Variants in MAGI1 observed in about 807,000 individuals in gnomAD.
The protein encoded by MAGI1 is membrane-associated guanylate kinase, WW and PDZ domain-containing protein 1.
In MAGI1, 58 loss-of-function variants were observed where a neutral mutation model predicts 139.9. The ratio of observed to expected loss-of-function variants is 0.41; its 90% CI spans 0.34 to 0.52. The LOEUF (loss-of-function observed/expected upper bound fraction) is 0.52. MAGI1 is among the 20% of genes least tolerant of loss of function. The pLI is 0.12. For synonymous variants in MAGI1, 812 were observed against 737.9 expected, an observed-to-expected ratio of 1.10 and a Z score of -1.63; for missense variants, 1,874 against 1,901.6, an observed-to-expected ratio of 0.99 and a Z score of 0.27.
chr3:66,011,218 GCA>G (rs2067303773), intron 1 of MAGI1, among the ~76,000 whole-genome samples: 1 of 152,180 alleles, frequency 6.6e-6, no homozygotes, highest in Non-Finnish European at 1.5e-5. Context: ...TCCCCACATG[GCA>G]GCACACATAA....
intron 1 of MAGI1, among the ~76,000 whole-genome samples, chr3:65,841,521 G>A (rs796175096): frequency 2.5e-4 from 38 of 151,438 alleles, no homozygotes; most frequent in Admixed American, 5.3e-4. Flanking sequence ...TCCGCCTCCC[G>A]GGTTCAAGCC....
intron 6 of MAGI1, among the ~76,000 whole-genome samples, chr3:65,451,225 T>C (rs973377891): frequency 6.6e-6 from 1 of 152,260 alleles, no homozygotes; most frequent in African/African-American, 2.4e-5. Context: ...GTAAAAGCTA[T>C]TGCAGTATTC....
intron 1 of MAGI1, among the ~76,000 whole-genome samples, chr3:66,033,274 T>C (rs1699171100): frequency 6.6e-6 from 1 of 152,146 alleles, no homozygotes; most frequent in Admixed American, 6.5e-5. Context: ...TCCACCCACC[T>C]TGGCCTCCCA....
intron 1 of MAGI1, among the ~76,000 whole-genome samples, chr3:65,814,523 C>A (rs1377713309): frequency 2.0e-5 from 3 of 152,156 alleles, no homozygotes; most frequent in Non-Finnish European, 4.4e-5. Context: ...AAAATGATTT[C>A]TTTCGCCCAG....
At chr3:65,728,814 T>A (rs1341104536) in intron 1 of MAGI1, among the ~76,000 whole-genome samples, 1 of 152,198 alleles carries the variant, frequency 6.6e-6, no homozygotes, top group Non-Finnish European at 1.5e-5. Flanking sequence ...CTTTTTTAAC[T>A]GCATAAGCAC....
Position 66,038,542 on chromosome 3 carries a change from T to TGCATTCCGGTGCCTCTGGGTCC in MAGI1, c.-256_-235dup. 1 of 511,152 alleles carries TGCATTCCGGTGCCTCTGGGTCC rather than the reference T, an allele frequency of 2.0e-6. No homozygotes were observed. Among genetic ancestry groups the TGCATTCCGGTGCCTCTGGGTCC allele is most frequent in the Non-Finnish European group, 3.3e-6 (1 of 306,642 alleles). The allele number at this position is 511,152 out of a possible 1,614,324, so 31.7% of individuals were successfully genotyped here. On this transcript the variant is annotated 5_prime_UTR_variant, in exon 1 of 23. In the 5' UTR this introduces an upstream ATG that the reference lacks. Coordinates refer to ENST00000402939, the MANE Select transcript of MAGI1 (RefSeq NM_001033057.2). ...CGCACAGGCGCCCGCGAGCTTTGTT[T>TGCATTCCGGTGCCTCTGGGTCC]GCATTCCGGTGCCTCTGGGTCCACG...
At chr3:65,662,648 T>A (rs543851640) in intron 1 of MAGI1, among the ~76,000 whole-genome samples, 1 of 152,372 alleles carries the variant, frequency 6.6e-6, no homozygotes, top group South Asian at 2.1e-4. Context: ...ATATAAGTAC[T>A]GATTATTATA....
rs1488523000 is a variant in MAGI1 at position 65,716,489 on chromosome 3, CA to C, written c.314-94402del. Among the ~76,000 whole-genome samples the C allele has an allele frequency of 2.0e-5, 3 of 152,332 alleles. 1 individual carries two copies. In the East Asian group the frequency reaches 5.8e-4, roughly 29 times the overall value. On this transcript the variant is annotated intron_variant, in intron 1 of 22. Coordinates refer to ENST00000402939, the MANE Select transcript of MAGI1 (RefSeq NM_001033057.2). ...GGGAAGAGCAGCAATTAGGCCGACA[CA>C]AAGGCAGACTATCTTATTTCACAGA...
chr3:65,788,129 G>A (rs1370254297), intron 1 of MAGI1, among the ~76,000 whole-genome samples: 1 of 152,146 alleles, frequency 6.6e-6, no homozygotes, highest in Non-Finnish European at 1.5e-5. Flanking sequence ...CTGTGCCCAA[G>A]TAAACTCACA....
chr3:65,752,169 A>T (rs748541257), intron 1 of MAGI1, among the ~76,000 whole-genome samples: 7 of 152,140 alleles, frequency 4.6e-5, no homozygotes, highest in Non-Finnish European at 7.4e-5. Context: ...GGCTGGTTGC[A>T]AACTCCTGCA....
chr3:65,673,846 A>G (rs991943107), intron 1 of MAGI1, among the ~76,000 whole-genome samples: 1 of 152,224 alleles, frequency 6.6e-6, no homozygotes, highest in Non-Finnish European at 1.5e-5. Context: ...CTATAGTCCT[A>G]AAAGCTTATC....
intron 1 of MAGI1, among the ~76,000 whole-genome samples, chr3:65,673,561 C>A (rs2086995168): frequency 1.3e-5 from 2 of 152,204 alleles, no homozygotes; most frequent in African/African-American, 2.4e-5. Flanking sequence ...AAAGTAGGAA[C>A]TCAGCTCTGC....
chr3:65,579,803 C>T (rs1373982823), intron 2 of MAGI1, among the ~76,000 whole-genome samples: 8 of 149,988 alleles, frequency 5.3e-5, no homozygotes, highest in African/African-American at 9.8e-5. Flanking sequence ...GCGAAGATCA[C>T]GCCACTGCAC....
chr3:65,437,241 G>C lies in MAGI1; in HGVS notation c.1277C>G (p.Thr426Arg). ...QQQQQQTEEWTEDHSALVPPV... is the reference protein window; with the variant it reads ...QQQQQQTEEWREDHSALVPPV... ...AGGCACAAGGGCTGAGTGATCTTCT[G>C]TCCATTCTATGAAAAAGAAAAGAAA... The change falls in exon 10 of 23, where the codon ACA becomes AGA. Residue 426 changes from threonine (T) to arginine (R), a missense_variant. By Grantham distance (71) the Thr-to-Arg change is moderately conservative (BLOSUM62 -1). Transcript: ENST00000402939. 6.2e-7 allele frequency: 1 copy of C among 1,603,988 alleles called. No individual in the cohort carries two copies.
chr3:65,789,410 G>C (rs929955747), intron 1 of MAGI1, among the ~76,000 whole-genome samples: 5 of 152,062 alleles, frequency 3.3e-5, no homozygotes, highest in African/African-American at 9.7e-5. Context: ...GAATGGCATA[G>C]ACCCTGAAAT....
intron 1 of MAGI1, among the ~76,000 whole-genome samples, chr3:65,878,966 T>C (rs1401848615): frequency 6.6e-6 from 1 of 152,172 alleles, no homozygotes. Flanking sequence ...CCTGACTTCC[T>C]TTCACCTGCC....
chr3:66,011,689 C>T (rs1316287973), intron 1 of MAGI1, among the ~76,000 whole-genome samples: 1 of 152,140 alleles, frequency 6.6e-6, no homozygotes, highest in Non-Finnish European at 1.5e-5. Flanking sequence ...GTCGGCTGGG[C>T]CTTGGTTGAG....
At chr3:65,798,121 TGGTGAAAC>T (rs2108111300) in intron 1 of MAGI1, among the ~76,000 whole-genome samples, 1 of 152,128 alleles carries the variant, frequency 6.6e-6, no homozygotes, top group Non-Finnish European at 1.5e-5. Context: ...CTGGCCAACA[TGGTGAAAC>T]CCTGTCTCTA....
At chr3:65,792,088 C>G (rs1192803528) in intron 1 of MAGI1, among the ~76,000 whole-genome samples, 2 of 152,006 alleles carry the variant, frequency 1.3e-5, no homozygotes, top group African/African-American at 4.8e-5. Context: ...TTAGGCACAA[C>G]AAGAGATTAA....
Sources: gnomAD v4.1 joint callset for allele counts (sites outside exome capture counted in the v4.1 genomes callset) on GRCh38, gnomAD v4.1.1 for gene constraint, MANE v1.5 for transcripts, NCBI Gene and HGNC (gene_info 2026-07-23, HGNC 2026-07-21) for gene names.